Variants in DNAJB11 observed in about 807,000 individuals in gnomAD.
The protein encoded by DNAJB11 is dnaJ homolog subfamily B member 11.
A neutral mutation model predicts 47.2 loss-of-function variants in DNAJB11; 30 were observed. The observed-to-expected ratio is 0.64, with a 90% CI of 0.48 to 0.86. DNAJB11 has a LOEUF of 0.86. DNAJB11 is among the 40% of genes least tolerant of loss of function. The pLI is 0.00. For synonymous variants in DNAJB11, 151 were observed against 159.9 expected, an observed-to-expected ratio of 0.94 and a Z score of 0.42; for missense variants, 357 against 440.2, an observed-to-expected ratio of 0.81 and a Z score of 1.69.
In DNAJB11 at chr3:186,575,909, C is replaced by T; in HGVS notation, c.295C>T (p.Gln99Ter). The T allele has an allele frequency of 6.2e-7, 1 of 1,613,862 alleles. No homozygotes were observed. Among genetic ancestry groups the T allele is most frequent in the Non-Finnish European group, 8.5e-7 (1 of 1,179,802 alleles). Residue 99 changes from glutamine to a stop codon, truncating the protein, a stop_gained, in exon 3 of 10, where the codon CAG becomes TAG. Transcript: ENST00000265028. LOFTEE classifies it high-confidence loss of function. ...TGAAGAAGGATTAAAAGATGGTCATCAGAGCTCCCATGGAGACATTTTTTC... is the reference window on the plus strand; with the variant it reads ...TGAAGAAGGATTAAAAGATGGTCATTAGAGCTCCCATGGAGACATTTTTTC... ...YGEEGLKDGH[Q>*]SSHGDIFSHF...
intron 6 of DNAJB11, 63 bp from the exon 7 acceptor site, chr3:186,582,653 C>A: frequency 7.3e-7 from 1 of 1,366,718 alleles, no homozygotes; most frequent in Non-Finnish European, 1.0e-6. Context: ...GTATCAGTTG[C>A]CAAATAGATT....
At chr3:186,585,017 C>T (rs1312593330) in intron 9 of DNAJB11, among the ~76,000 whole-genome samples, 1 of 152,132 alleles carries the variant, frequency 6.6e-6, no homozygotes, top group South Asian at 2.1e-4. Context: ...GAGGTAAAAA[C>T]TGAAAAGAGG....
intron 3 of DNAJB11, 84 bp from the exon 4 acceptor site, chr3:186,577,584 A>G: frequency 1.6e-6 from 2 of 1,290,208 alleles, no homozygotes; most frequent in Non-Finnish European, 2.1e-6. Context: ...ACAATAGTTT[A>G]TCAACGTAAA....
At chr3:186,573,471 G>A (rs1253351570) in intron 2 of DNAJB11, among the ~76,000 whole-genome samples, 3 of 151,914 alleles carry the variant, frequency 2.0e-5, no homozygotes, top group African/African-American at 2.4e-5. Context: ...TGCAAGCTCC[G>A]CCTCCTGGGT....
chr3:186,582,459 T>C (rs1290709359), intron 6 of DNAJB11, among the ~76,000 whole-genome samples: 1 of 152,178 alleles, frequency 6.6e-6, no homozygotes, highest in East Asian at 1.9e-4. Context: ...TAAAAAAAGC[T>C]TTAAGACTTA....
In DNAJB11 at chr3:186,582,341, C is replaced by G. The variant is rs140614246; in HGVS notation, c.682+264C>G. 1.4e-3 allele frequency among the ~76,000 whole-genome samples: 219 copies of G among 152,204 alleles called. 1 individual carries two copies. The highest frequency in any genetic ancestry group is 5.1e-3 in the African/African-American group (213 of 41,532). On this transcript the variant is annotated intron_variant, in intron 6 of 9. Transcript: ENST00000265028. ...TTCATCAAAATTTAGGGTGTTCAGA[C>G]CTTAATGAGTTTTAATTCAGCAATG...
rs760036158 is a variant in DNAJB11 at position 186,583,923 on chromosome 3, G to C, written c.799G>C (p.Val267Leu). The change falls in exon 8 of 10, where the codon GTT becomes CTT. Residue 267 changes from valine (V) to leucine (L), a missense_variant. Val to Leu is a conservative substitution (Grantham distance 32). Transcript: ENST00000265028. The stretch of plus-strand genomic sequence containing the variant: ...GTACACAAATGTGACAATCTCATTA[G>C]TTGAGTCACTGGTTGGCTTTGAGAT... ...DLYTNVTISLVESLVGFEMDI... is the reference protein window; with the variant it reads ...DLYTNVTISLLESLVGFEMDI... 6.2e-7 allele frequency: 1 copy of C among 1,613,898 alleles called. No homozygotes were observed. The highest frequency in any genetic ancestry group is 1.7e-5 in the Admixed American group (1 of 60,026).
chr3:186,574,650 C>G (rs547026359), intron 2 of DNAJB11, among the ~76,000 whole-genome samples: 6 of 152,230 alleles, frequency 3.9e-5, no homozygotes, highest in African/African-American at 1.4e-4. Flanking sequence ...AATGTTCACT[C>G]TCTTGTATAC....
At position 186,582,708 on chromosome 3, in the gene DNAJB11, C is replaced by T. The variant is rs77313009; in HGVS notation, c.683-8C>T. On this transcript the variant is annotated splice_region_variant and splice_polypyrimidine_tract_variant and intron_variant, in intron 6 of 9. Transcript: ENST00000265028. ...GATTTACAATATGCTGTAATCTGCT[C>T]TGACTAGGTGAGCCTCACGTGGATG... 6.3e-7 allele frequency: 1 copy of T among 1,587,204 alleles called. No homozygotes were observed. The highest frequency in any genetic ancestry group is 1.8e-5 in the Admixed American group (1 of 56,414).
At chr3:186,571,025 G>GGCCC in intron 1 of DNAJB11, 60 bp downstream of exon 1, 1 of 964,050 alleles carries the variant, frequency 1.0e-6, no homozygotes. Context: ...TGGGGGGTGG[G>GGCCC]AGGGGGTGGG....
intron 1 of DNAJB11, 60 bp downstream of exon 1, chr3:186,571,025 G>GGGT: frequency 1.0e-6 from 1 of 964,050 alleles, no homozygotes; most frequent in African/African-American, 1.7e-5. Flanking sequence ...TGGGGGGTGG[G>GGGT]AGGGGGTGGG....
intron 2 of DNAJB11, among the ~76,000 whole-genome samples, chr3:186,573,127 C>A (rs528066088): frequency 6.6e-6 from 1 of 152,190 alleles, no homozygotes; most frequent in African/African-American, 2.4e-5. Context: ...TCTAAATGGA[C>A]ACAGAAAAAA....
chr3:186,580,166 A>G (rs1297309594), intron 4 of DNAJB11: 1 of 152,214 alleles, frequency 6.6e-6, no homozygotes, highest in Non-Finnish European at 1.5e-5. Flanking sequence ...ACTAATACAC[A>G]GTAGACATCA....
intron 2 of DNAJB11, among the ~76,000 whole-genome samples, 160 bp downstream of exon 2, chr3:186,572,411 C>T (rs778370684): frequency 6.6e-6 from 1 of 152,120 alleles, no homozygotes; most frequent in South Asian, 2.1e-4. Context: ...GTGCAATCTC[C>T]GCTCACTGCA....
intron 5 of DNAJB11, 112 bp from the exon 6 acceptor site, chr3:186,581,883 A>T: frequency 1.2e-6 from 1 of 857,142 alleles, no homozygotes; most frequent in East Asian, 2.7e-5. Context: ...GTAGAGGCAC[A>T]CTACAGTCTT....
chr3:186,571,996 T>C (rs1227080649), intron 1 of DNAJB11, 99 bp from the exon 2 acceptor site: 15 of 1,072,480 alleles, frequency 1.4e-5, no homozygotes, highest in Non-Finnish European at 1.7e-5. Flanking sequence ...ACCTCTTTGC[T>C]CAGATACAAA....
At chr3:186,584,617 G>GTGTGTGTGTGTGTGTGTA in intron 9 of DNAJB11, 28 bp downstream of exon 9, 1 of 1,513,876 alleles carries the variant, frequency 6.6e-7, no homozygotes, top group Non-Finnish European at 8.8e-7. Context: ...GTGTGTGTGT[G>GTGTGTGTGTGTGTGTGTA]TGTGTTTGTG....
intron 1 of DNAJB11, 97 bp from the exon 2 acceptor site, chr3:186,571,998 A>G: frequency 2.8e-6 from 3 of 1,090,768 alleles, no homozygotes; most frequent in Non-Finnish European, 2.6e-6. Context: ...CTCTTTGCTC[A>G]GATACAAACC....
intron 3 of DNAJB11, 40 bp from the exon 4 acceptor site, chr3:186,577,628 A>ATTTTTT: frequency 7.7e-7 from 1 of 1,294,172 alleles, no homozygotes. Context: ...TAGAGTCTTG[A>ATTTTTT]TTTTTTTTTT....
Sources: allele counts gnomAD v4.1 joint callset (sites outside exome capture counted in the v4.1 genomes callset), GRCh38; gene constraint gnomAD v4.1.1; transcripts MANE v1.5; gene names NCBI Gene and HGNC (gene_info 2026-07-23, HGNC 2026-07-21).